The following STAU2 variants were observed in gnomAD, a reference collection of about 807,000 sequenced individuals.
STAU2 encodes the protein staufen double-stranded RNA binding protein 2, also known as double-stranded RNA-binding protein Staufen homolog 2.
Under a neutral mutation model 65.9 loss-of-function variants are expected in STAU2, and 20 were observed. That is an observed-to-expected ratio of 0.30 (90% CI 0.21 to 0.44). The LOEUF (loss-of-function observed/expected upper bound fraction) is 0.44. Ranked by LOEUF, STAU2 falls within the 20% of genes least tolerant of loss-of-function variation. The pLI is 1.00. For synonymous variants in STAU2, 232 were observed against 233.9 expected, an observed-to-expected ratio of 0.99 and a Z score of 0.07; for missense variants, 558 against 683.9, an observed-to-expected ratio of 0.82 and a Z score of 2.05.
intron 13 of STAU2, among the ~76,000 whole-genome samples, chr8:73,513,582 G>A (rs1326419171): frequency 1.3e-5 from 2 of 152,038 alleles, no homozygotes; most frequent in Admixed American, 1.3e-4. Flanking sequence ...GATATCTCCT[G>A]CTTGTGTTTG....
At chr8:73,658,934 CAAAAACAACAA>C (rs1563488116) in intron 6 of STAU2, among the ~76,000 whole-genome samples, 3 of 96,798 alleles carry the variant, frequency 3.1e-5, no homozygotes, top group South Asian at 3.1e-4. Flanking sequence ...ACAACAACAA[CAAAAACAACAA>C]AAAAAAAAAA....
At chr8:73,433,304 A>C (rs1296247462) in intron 13 of STAU2, among the ~76,000 whole-genome samples, 2 of 151,660 alleles carry the variant, frequency 1.3e-5, no homozygotes, top group Non-Finnish European at 1.5e-5. Flanking sequence ...TCCCGGGTTC[A>C]AGCGATTCTC....
chr8:73,477,923 T>C (rs943924149), intron 13 of STAU2, among the ~76,000 whole-genome samples: 1 of 152,106 alleles, frequency 6.6e-6, no homozygotes, highest in African/African-American at 2.4e-5. Context: ...AAGTACAATT[T>C]TGATAACTTT....
At chr8:73,737,109 T>C (rs1806485088) in intron 3 of STAU2, among the ~76,000 whole-genome samples, 2 of 152,202 alleles carry the variant, frequency 1.3e-5, no homozygotes, top group Admixed American at 1.3e-4. Context: ...TCAGGTGATC[T>C]ACCTGCCTTC....
intron 12 of STAU2, among the ~76,000 whole-genome samples, chr8:73,560,767 T>C (rs1360418725): frequency 6.6e-6 from 1 of 152,026 alleles, no homozygotes; most frequent in Non-Finnish European, 1.5e-5. Context: ...AAAACACCAA[T>C]AATGAACAGA....
chr8:73,674,481 G>A (rs932442598), intron 5 of STAU2, among the ~76,000 whole-genome samples: 18 of 151,804 alleles, frequency 1.2e-4, no homozygotes, highest in Non-Finnish European at 1.6e-4. Context: ...TGGAGACAAA[G>A]TAATCTCTAT....
At chr8:73,513,498 C>A (rs1187421846) in intron 13 of STAU2, among the ~76,000 whole-genome samples, 1 of 152,118 alleles carries the variant, frequency 6.6e-6, no homozygotes. Flanking sequence ...TTCTGCCAGG[C>A]CTTTTTGCAT....
At chr8:73,688,946 G>C in intron 4 of STAU2, 133 bp from the exon 5 acceptor site, 1 of 1,025,740 alleles carries the variant, frequency 9.7e-7, no homozygotes, top group Non-Finnish European at 1.4e-6. Flanking sequence ...CAGATCATCT[G>C]CAACAAAATC....
At chr8:73,668,042 G>A (rs1362344723) in intron 6 of STAU2, among the ~76,000 whole-genome samples, 2 of 152,114 alleles carry the variant, frequency 1.3e-5, no homozygotes, top group Non-Finnish European at 2.9e-5. Context: ...CCCAGGCTTG[G>A]CTAAAGTAAA....
chr8:73,683,249 C>T (rs543213909), intron 5 of STAU2, among the ~76,000 whole-genome samples: 2 of 152,026 alleles, frequency 1.3e-5, no homozygotes, highest in Admixed American at 1.3e-4. Context: ...AACAGCGTAT[C>T]GAAAAGGTAA....
At chr8:73,637,014 A>G (rs1215234495) in intron 6 of STAU2, among the ~76,000 whole-genome samples, 3 of 152,156 alleles carry the variant, frequency 2.0e-5, no homozygotes, top group Non-Finnish European at 2.9e-5. Flanking sequence ...ATGATATTCA[A>G]ATTTAAAATT....
chr8:73,612,576 AT>A (rs2129828143), intron 9 of STAU2, among the ~76,000 whole-genome samples: 1 of 152,348 alleles, frequency 6.6e-6, no homozygotes, highest in South Asian at 2.1e-4. Flanking sequence ...ATAACATATA[AT>A]TCCAGTTCAG....
intron 12 of STAU2, among the ~76,000 whole-genome samples, chr8:73,581,280 A>G (rs936761670): frequency 1.3e-5 from 2 of 152,236 alleles, no homozygotes; most frequent in African/African-American, 4.8e-5. Context: ...TAAAATACAT[A>G]AAGTTTATAT....
chr8:73,493,097 C>T (rs1234194206), intron 13 of STAU2, among the ~76,000 whole-genome samples: 1 of 151,802 alleles, frequency 6.6e-6, no homozygotes, highest in African/African-American at 2.4e-5. Context: ...AAAAAATAAA[C>T]TTCAACTTCT....
intron 3 of STAU2, among the ~76,000 whole-genome samples, chr8:73,715,121 C>T (rs985985378): frequency 4.7e-5 from 7 of 149,726 alleles, no homozygotes; most frequent in African/African-American, 1.7e-4. Context: ...TGTTAACATT[C>T]ATAAAATAAA....
At chr8:73,720,499 CTTT>C (rs1174035145) in intron 3 of STAU2, among the ~76,000 whole-genome samples, 141 of 39,090 alleles carry the variant, frequency 3.6e-3, no homozygotes, top group African/African-American at 0.017. Flanking sequence ...AAAATACTTT[CTTT>C]TTTTTTTTTT....
intron 13 of STAU2, among the ~76,000 whole-genome samples, chr8:73,534,143 G>C (rs1268510913): frequency 6.6e-6 from 1 of 152,198 alleles, no homozygotes; most frequent in East Asian, 1.9e-4. Context: ...CTGTGGAGTT[G>C]ACTTCACAGC....
chr8:73,493,008 T>C (rs1821223417), intron 13 of STAU2, among the ~76,000 whole-genome samples: 1 of 151,888 alleles, frequency 6.6e-6, no homozygotes, highest in East Asian at 1.9e-4. Context: ...GAAACAGACC[T>C]ACACTTACTT....
upstream of STAU2, chr8:73,746,940 C>T: frequency 1.1e-6 from 1 of 906,664 alleles, no homozygotes; most frequent in Non-Finnish European, 1.3e-6. Flanking sequence ...CGCGCCCTCC[C>T]GCGCTCGCGC....
Sources: allele counts gnomAD v4.1 joint callset (sites outside exome capture counted in the v4.1 genomes callset), GRCh38; gene constraint gnomAD v4.1.1; transcripts MANE v1.5; gene names NCBI Gene and HGNC (gene_info 2026-07-23, HGNC 2026-07-21).